Variants in PHF20 observed in about 807,000 individuals in gnomAD.
PHF20 encodes PHD finger protein 20.
A neutral mutation model predicts 113.5 loss-of-function variants in PHF20; 23 were observed. The observed-to-expected ratio is 0.20, with a 90% CI of 0.15 to 0.29. The LOEUF is 0.29. Among genes scored for constraint, PHF20 ranks in the 10% least tolerant of loss-of-function variants. The probability of loss-of-function intolerance (pLI) is 1.00; values close to 1 mark genes in which losing one functional copy is unlikely to be tolerated. For missense variants in PHF20, 943 were observed against 1,219.6 expected, an observed-to-expected ratio of 0.77 and a Z score of 3.38; for synonymous variants, 434 against 457.3, an observed-to-expected ratio of 0.95 and a Z score of 0.65.
In PHF20 at chr20:35,859,030, G is replaced by A. The variant is rs117456307; in HGVS notation, c.420+649G>A. ...GAGCTGTTAGCCATACAGGAAACTT[G>A]TTGAATTGCTTGAGGAGACCTCCAG... On this transcript the variant is annotated intron_variant, in intron 5 of 17. Transcript: ENST00000374012. 6.7e-3 allele frequency among the ~76,000 whole-genome samples: 1,013 copies of A among 152,330 alleles called. 5 individuals carry two copies. The highest frequency in any genetic ancestry group is 0.013 in the Non-Finnish European group (852 of 68,038).
At chr20:35,923,706 A>AT (rs957576102) in intron 13 of PHF20, among the ~76,000 whole-genome samples, 1 of 152,124 alleles carries the variant, frequency 6.6e-6, no homozygotes, top group Admixed American at 6.6e-5. Flanking sequence ...CCTTTTAAAA[A>AT]TTTTTTGGTA....
chr20:35,941,563 C>T (rs1392349985), intron 17 of PHF20, among the ~76,000 whole-genome samples: 1 of 152,138 alleles, frequency 6.6e-6, no homozygotes, highest in Non-Finnish European at 1.5e-5. Flanking sequence ...ACGGACAGGC[C>T]TGGAGGATCA....
chr20:35,868,408 T>C (rs1415690004), intron 6 of PHF20, among the ~76,000 whole-genome samples: 4 of 151,384 alleles, frequency 2.6e-5, no homozygotes, highest in African/African-American at 9.7e-5. Flanking sequence ...AAGACCAGCC[T>C]GGCCAACATG....
intron 2 of PHF20, among the ~76,000 whole-genome samples, chr20:35,821,252 C>T (rs1242936590): frequency 3.3e-5 from 5 of 151,444 alleles, no homozygotes; most frequent in Non-Finnish European, 7.4e-5. Flanking sequence ...AGTTTGAGAC[C>T]AGCCTGGCTG....
intron 10 of PHF20, among the ~76,000 whole-genome samples, chr20:35,904,882 A>G (rs1019063803): frequency 6.7e-6 from 1 of 149,022 alleles, no homozygotes; most frequent in Non-Finnish European, 1.5e-5. Flanking sequence ...CTGGAGTGCA[A>G]TAGTGCGATC....
chr20:35,833,635 C>CA (rs1312675636), intron 2 of PHF20, among the ~76,000 whole-genome samples: 2 of 152,138 alleles, frequency 1.3e-5, no homozygotes, highest in Non-Finnish European at 2.9e-5. Flanking sequence ...GGGGGAGATT[C>CA]AGACTCTTGA....
chr20:35,810,975 G>A (rs1011219498), intron 2 of PHF20, among the ~76,000 whole-genome samples: 1 of 152,094 alleles, frequency 6.6e-6, no homozygotes, highest in Non-Finnish European at 1.5e-5. Context: ...GTGTGTCTGT[G>A]TCTCTCTGTG....
At chr20:35,874,477 G>C (rs943658596) in intron 9 of PHF20, among the ~76,000 whole-genome samples, 2 of 151,046 alleles carry the variant, frequency 1.3e-5, no homozygotes, top group African/African-American at 4.9e-5. Flanking sequence ...TCTGGTTTTT[G>C]TTAAAACTTG....
At chr20:35,787,866 C>T (rs923958052) in intron 1 of PHF20, among the ~76,000 whole-genome samples, 2 of 65,180 alleles carry the variant, frequency 3.1e-5, no homozygotes, top group East Asian at 5.4e-4. Flanking sequence ...CTGCAACCTC[C>T]GCCTGGGTTC....
intron 2 of PHF20, among the ~76,000 whole-genome samples, chr20:35,823,652 A>G (rs2042213177): frequency 6.6e-6 from 1 of 150,562 alleles, no homozygotes; most frequent in African/African-American, 2.4e-5. Context: ...AAAAAAAAAA[A>G]AAGGGGTGAA....
At chr20:35,864,746 G>T (rs1298861482) in intron 6 of PHF20, among the ~76,000 whole-genome samples, 1 of 152,076 alleles carries the variant, frequency 6.6e-6, no homozygotes, top group Non-Finnish European at 1.5e-5. Context: ...CCTAAATAGG[G>T]CCTAGACCTC....
intron 6 of PHF20, among the ~76,000 whole-genome samples, chr20:35,867,400 C>T (rs1275532138): frequency 6.6e-6 from 1 of 152,138 alleles, no homozygotes; most frequent in Admixed American, 6.6e-5. Flanking sequence ...GCTGGGACTA[C>T]AGGCATGTGC....
chr20:35,847,279 C>A, intron 3 of PHF20, 71 bp from the exon 4 acceptor site: 1 of 958,176 alleles, frequency 1.0e-6, no homozygotes, highest in Non-Finnish European at 1.6e-6. Context: ...TTTATGAGAT[C>A]TGGTATGTCC....
chr20:35,938,870 C>T lies in PHF20; in HGVS notation c.2474C>T (p.Pro825Leu). The part of the protein sequence containing the change: ...AVEKPRPLAL[P>L]LPRSVEESYI... ...GAGAAGCCCAGGCCCCTGGCCCTGC[C>T]CCTGCCGCGTTCTGTGGAGGAATCC... Residue 825 changes from proline to leucine, a missense_variant, in exon 16 of 18, where the codon CCC (proline) becomes CTC (leucine). Transcript: ENST00000374012. The T allele has an allele frequency of 6.2e-7, 1 of 1,614,188 alleles. No individual in the cohort carries two copies. The highest frequency in any genetic ancestry group is 8.5e-7 in the Non-Finnish European group (1 of 1,180,018).
intron 2 of PHF20, among the ~76,000 whole-genome samples, chr20:35,810,333 G>A (rs906859345): frequency 6.6e-5 from 10 of 152,130 alleles, no homozygotes; most frequent in Admixed American, 3.9e-4. Context: ...TCCTCTGATT[G>A]ATCCCCACCC....
At chr20:35,878,876 T>C (rs1214534466) in intron 9 of PHF20, 3 of 449,840 alleles carry the variant, frequency 6.7e-6, no homozygotes, top group Non-Finnish European at 1.2e-5. Context: ...TGGCTTCCTT[T>C]CTTGCAGGCT....
chr20:35,805,912 A>C lies in PHF20; in HGVS notation c.83+4307A>C, dbSNP rs1489980252. On this transcript the variant is annotated intron_variant, in intron 2 of 17. Coordinates refer to ENST00000374012, the MANE Select transcript of PHF20 (RefSeq NM_016436.5). ...AGTCTTGCTCTGTCGCCCAGTCTGG[A>C]GTGCAGTGGCACAATCTTGGCTCAC... Among the ~76,000 whole-genome samples the C allele has an allele frequency of 2.7e-5, 4 of 150,494 alleles. No homozygotes were observed. In the East Asian group the frequency reaches 5.9e-4, roughly 22 times the overall value.
At chr20:35,864,174 T>C (rs1289029154) in intron 6 of PHF20, among the ~76,000 whole-genome samples, 1 of 152,174 alleles carries the variant, frequency 6.6e-6, no homozygotes, top group Non-Finnish European at 1.5e-5. Context: ...TTGTGCATTC[T>C]TTATGTGTTC....
At chr20:35,876,958 T>C (rs1238919844) in intron 9 of PHF20, among the ~76,000 whole-genome samples, 1 of 148,914 alleles carries the variant, frequency 6.7e-6, no homozygotes. Context: ...TACAAAAAAA[T>C]TGGCCGGGCG....
Sources: allele counts gnomAD v4.1 joint callset (sites outside exome capture counted in the v4.1 genomes callset), GRCh38; gene constraint gnomAD v4.1.1; transcripts MANE v1.5; gene names NCBI Gene and HGNC (gene_info 2026-07-23, HGNC 2026-07-21).